ADGRE3: variants seen among roughly 807,000 people sequenced by gnomAD.
The protein encoded by ADGRE3 is adhesion G protein-coupled receptor E3, also known as EGF-like module receptor 3.
ADGRE3 carries 88 observed loss-of-function variants against 80.1 expected under a neutral mutation model. The ratio of observed to expected loss-of-function variants is 1.10; its 90% confidence interval spans 0.93 to 1.31. The LOEUF is 1.31. Among genes scored for constraint, ADGRE3 ranks in the 40% most tolerant of loss-of-function variants. ADGRE3 has a pLI of 0.00. For missense variants in ADGRE3, 715 were observed against 776.5 expected (o/e 0.92, Z 0.94); for synonymous variants, 281 against 294.8 (o/e 0.95, Z 0.48).
chr19:14,668,032 C>T (rs1167310331), intron 2 of ADGRE3, among the ~76,000 whole-genome samples: 1 of 152,030 alleles, frequency 6.6e-6, no homozygotes, highest in African/African-American at 2.4e-5. Context: ...GGTGGGCAGA[C>T]TGTTTGAGGC....
chr19:14,620,264 C>A (rs2146786136), intron 15 of ADGRE3, among the ~76,000 whole-genome samples: 1 of 151,652 alleles, frequency 6.6e-6, no homozygotes, highest in East Asian at 1.9e-4. Flanking sequence ...GTTGCCCAGG[C>A]AGGTCTCAAA....
rs551677352 is a variant in ADGRE3, at chr19:14,674,339, A to G, written c.25+407T>C. ...TGGTGAAACCCCATCTCTACTAAAA[A>G]TACAAAAATTAGCCAGGTGTGGTGA... On this transcript the variant is annotated intron_variant, in intron 1 of 15. Coordinates refer to ENST00000253673, the MANE Select transcript of ADGRE3 (RefSeq NM_032571.5). 2.7e-4 allele frequency among the ~76,000 whole-genome samples: 41 copies of G among 152,150 alleles called. 1 individual carries two copies. In the South Asian group the frequency reaches 8.1e-3, roughly 30 times the overall value.
the ADGRE3 span, among the ~76,000 whole-genome samples, chr19:14,611,975 G>A: frequency 6.6e-6 from 1 of 152,172 alleles, no homozygotes; most frequent in Non-Finnish European, 1.5e-5. Context: ...CTGCACTCCA[G>A]CCTGGGTGAC....
chr19:14,635,221 T>G (rs889687807), intron 11 of ADGRE3, among the ~76,000 whole-genome samples: 1 of 151,908 alleles, frequency 6.6e-6, no homozygotes, highest in African/African-American at 2.4e-5. Context: ...CCCAGCCTCC[T>G]GAGTAGCTGG....
chr19:14,620,560 ATATATATATTTTTTTTTTTTTTTTT>A lies in ADGRE3; in HGVS notation c.1921-1114_1921-1090del, dbSNP rs1350464500. ...TTTTATATATATATTATATATATAT[ATATATATATTTTTTTTTTTTTTTTT>A]TTTTTTTTTTTTGAGACAGGGTTTT... On this transcript the variant is annotated intron_variant, in intron 15 of 15. Coordinates refer to ENST00000253673, the MANE Select transcript of ADGRE3 (RefSeq NM_032571.5). 1.7e-3 allele frequency among the ~76,000 whole-genome samples: 41 copies of A among 23,690 alleles called. 3 individuals carry two copies. The highest frequency in any genetic ancestry group is 1.4e-3 in the Admixed American group (2 of 1,388). 15.5% of individuals were successfully genotyped at this position (23,690 alleles called of 152,430 possible).
intron 4 of ADGRE3, among the ~76,000 whole-genome samples, chr19:14,660,736 A>T (rs1162788633): frequency 2.0e-5 from 3 of 151,460 alleles, no homozygotes; most frequent in Non-Finnish European, 4.4e-5. Context: ...CATGTTTTCC[A>T]TGGGAGTGGT....
At chr19:14,607,295 C>G in the ADGRE3 span, among the ~76,000 whole-genome samples, 2 of 151,758 alleles carry the variant, frequency 1.3e-5, no homozygotes, top group Admixed American at 6.6e-5. Context: ...AGCTCCGCCT[C>G]CCAGGTTCAA....
At chr19:14,655,456 G>A (rs371869065) in intron 5 of ADGRE3, among the ~76,000 whole-genome samples, 114 of 152,026 alleles carry the variant, frequency 7.5e-4, no homozygotes, top group African/African-American at 2.7e-3. Flanking sequence ...GTAAGGGTGA[G>A]TCACTATTAT....
the ADGRE3 span, among the ~76,000 whole-genome samples, chr19:14,604,270 A>C: frequency 6.6e-6 from 1 of 152,064 alleles, no homozygotes; most frequent in Non-Finnish European, 1.5e-5. Context: ...ATCACCTGAA[A>C]AGCTCACCGG....
Position 14,641,471 on chromosome 19 carries a change from A to G in ADGRE3, c.1196T>C (p.Leu399Pro). The change falls in exon 10 of 16, where the codon CTC (leucine) becomes CCC (proline). Residue 399 changes from leucine to proline, a missense_variant. Coordinates refer to ENST00000253673, the MANE Select transcript of ADGRE3 (RefSeq NM_032571.5). Reference protein sequence around the residue: ...TSLHLQLSLCLFLAHLLFLVG... With the variant: ...TSLHLQLSLCPFLAHLLFLVG... Reference sequence around the variant, plus strand: ...GAGGAAGAGGAGGTGGGCCAGGAAGAGGCAGAGCGAGAGCTGCAGATGCAG... The same window carrying G: ...GAGGAAGAGGAGGTGGGCCAGGAAGGGGCAGAGCGAGAGCTGCAGATGCAG... The G allele has an allele frequency of 6.2e-7, 1 of 1,614,180 alleles. No individual in the cohort carries two copies. The highest frequency in any genetic ancestry group is 8.5e-7 in the Non-Finnish European group (1 of 1,180,040).
At chr19:14,631,105 C>T (rs1970869954) in intron 13 of ADGRE3, among the ~76,000 whole-genome samples, 1 of 152,060 alleles carries the variant, frequency 6.6e-6, no homozygotes, top group Non-Finnish European at 1.5e-5. Flanking sequence ...CGACTGACCT[C>T]AAATAATCCA....
the ADGRE3 span, chr19:14,610,312 C>G: frequency 7.1e-7 from 1 of 1,408,112 alleles, no homozygotes; most frequent in Non-Finnish European, 9.5e-7. Context: ...GTGCCTCAAA[C>G]AGGATTGGCA....
chr19:14,669,841 G>A (rs959431246), intron 1 of ADGRE3, among the ~76,000 whole-genome samples: 10 of 152,006 alleles, frequency 6.6e-5, no homozygotes, highest in African/African-American at 2.4e-4. Context: ...GGATTTCTGG[G>A]TCCAACAGTA....
At chr19:14,632,869 G>T in intron 13 of ADGRE3, 52 bp downstream of exon 13, 1 of 1,236,590 alleles carries the variant, frequency 8.1e-7, no homozygotes, top group African/African-American at 1.5e-5. Context: ...GGATATGTAG[G>T]AAGGACTGGC....
At chr19:14,647,153 A>T in intron 8 of ADGRE3, 28 bp downstream of exon 8, 1 of 1,603,044 alleles carries the variant, frequency 6.2e-7, no homozygotes, top group East Asian at 2.2e-5. Flanking sequence ...TTGAGAACCC[A>T]CAAGCTCAAA....
rs1435435269 is a variant in ADGRE3, at chr19:14,620,568, A to ATATATTTTTT, written c.1921-1098_1921-1097insAAAAAATATA. ...ATATATTATATATATATATATATAT[A>ATATATTTTTT]TTTTTTTTTTTTTTTTTTTTTTTTT... On this transcript the variant is annotated intron_variant, in intron 15 of 15. Transcript: ENST00000253673. Among the ~76,000 whole-genome samples the ATATATTTTTT allele has an allele frequency of 3.6e-4, 4 of 11,048 alleles. 1 individual carries two copies. Among genetic ancestry groups the ATATATTTTTT allele is most frequent in the East Asian group, 2.9e-3 (1 of 342 alleles). 7.2% of individuals were successfully genotyped at this position (11,048 alleles called of 152,430 possible).
chr19:14,607,010 C>T, the ADGRE3 span: 4 of 1,301,296 alleles, frequency 3.1e-6, no homozygotes, highest in East Asian at 1.2e-4. Flanking sequence ...TGGCCAAGGC[C>T]CATGGCTCTC....
At chr19:14,651,386 A>G (rs1971603953) in intron 6 of ADGRE3, among the ~76,000 whole-genome samples, 182 bp from the exon 7 acceptor site, 1 of 152,168 alleles carries the variant, frequency 6.6e-6, no homozygotes, top group Non-Finnish European at 1.5e-5. Context: ...CTCTAAAAAA[A>G]AAATGTTCAT....
intron 6 of ADGRE3, 126 bp from the exon 7 acceptor site, chr19:14,651,330 G>A: frequency 9.5e-7 from 1 of 1,057,718 alleles, no homozygotes; most frequent in Non-Finnish European, 1.4e-6. Context: ...CAGAAGGATT[G>A]CTTGGGCCCA....
Sources: allele counts gnomAD v4.1 joint callset (sites outside exome capture counted in the v4.1 genomes callset), GRCh38; gene constraint gnomAD v4.1.1; transcripts MANE v1.5; gene names NCBI Gene and HGNC (gene_info 2026-07-23, HGNC 2026-07-21).